RFC3: variants seen among roughly 807,000 people sequenced by gnomAD.
The protein encoded by RFC3 is replication factor C subunit 3, also known as A1 38 kDa subunit.
A neutral mutation model predicts 45.1 loss-of-function variants in RFC3; 41 were observed. That is an observed-to-expected ratio of 0.91 (90% CI 0.71 to 1.18). The LOEUF (loss-of-function observed/expected upper bound fraction) is 1.18, where lower values mean the gene tolerates loss of function less well. RFC3 is among the 50% of genes most tolerant of loss of function. RFC3 has a pLI of 0.00. For missense variants in RFC3, 423 were observed against 428.1 expected (o/e 0.99, Z 0.10); for synonymous variants, 149 against 144.0 (o/e 1.03, Z -0.25).
chr13:33,824,095 A>G (rs1332822628), intron 3 of RFC3, 111 bp downstream of exon 3: 1 of 569,456 alleles, frequency 1.8e-6, no homozygotes, highest in African/African-American at 2.0e-5. Flanking sequence ...GTGTGGAAGC[A>G]CAGTTTATAA....
At chr13:33,848,148 A>G (rs1434901845) in intron 8 of RFC3, 2 of 152,188 alleles carry the variant, frequency 1.3e-5, no homozygotes, top group African/African-American at 4.8e-5. Context: ...GATACTTCAG[A>G]GACATCTCAA....
At chr13:33,864,990 A>C (rs2082364079) in intron 8 of RFC3, among the ~76,000 whole-genome samples, 1 of 152,192 alleles carries the variant, frequency 6.6e-6, no homozygotes, top group African/African-American at 2.4e-5. Flanking sequence ...ATTGTAGCTC[A>C]AACTGTAGAA....
intron 8 of RFC3, among the ~76,000 whole-genome samples, chr13:33,881,855 T>G (rs1593662494): frequency 2.0e-5 from 3 of 152,170 alleles, no homozygotes; most frequent in Admixed American, 2.0e-4. Flanking sequence ...AACTGTCACT[T>G]GAATGTTTAT....
chr13:33,837,096 A>T lies in RFC3; in HGVS notation c.*801A>T, dbSNP rs1040302748. 3.1e-6 allele frequency: 3 copies of T among 953,252 alleles called. No homozygotes were observed. The African/African-American group carries it at 5.3e-5, about 17-fold the overall frequency. The allele number at this position is 953,252 out of a possible 1,614,324, so 59.0% of individuals were successfully genotyped here. ...CCGAACAATTCCTTTACTACGAAGT[A>T]TAATTTATAAAATAAAATATACCCA... On this transcript the variant is annotated 3_prime_UTR_variant, in exon 9 of 9. Coordinates refer to ENST00000380071, the MANE Select transcript of RFC3 (RefSeq NM_002915.4).
At chr13:33,868,570 A>T (rs1048999972) in intron 8 of RFC3, among the ~76,000 whole-genome samples, 7 of 152,178 alleles carry the variant, frequency 4.6e-5, no homozygotes, top group African/African-American at 7.2e-5. Context: ...CACCTATCAC[A>T]ACTAATCAGA....
intron 7 of RFC3, among the ~76,000 whole-genome samples, 187 bp from the exon 8 acceptor site, chr13:33,834,961 G>A (rs1198854593): frequency 2.0e-5 from 3 of 152,086 alleles, no homozygotes. Context: ...CCTAAGTATG[G>A]TAAACTATTT....
At chr13:33,910,439 T>A (rs2137697823) in intron 8 of RFC3, among the ~76,000 whole-genome samples, 1 of 152,216 alleles carries the variant, frequency 6.6e-6, no homozygotes, top group Middle Eastern at 3.4e-3. Flanking sequence ...TGTTCATCAT[T>A]GTTATTACTG....
At chr13:33,829,692 A>G (rs2082083169) in intron 4 of RFC3, 144 bp from the exon 5 acceptor site, 2 of 679,662 alleles carry the variant, frequency 2.9e-6, no homozygotes, top group South Asian at 3.3e-5. Flanking sequence ...TACCATACTT[A>G]TAACTTTATC....
At chr13:33,861,248 T>G (rs965040416) in intron 8 of RFC3, among the ~76,000 whole-genome samples, 3 of 152,236 alleles carry the variant, frequency 2.0e-5, no homozygotes, top group African/African-American at 7.2e-5. Flanking sequence ...ATAAACTTTA[T>G]TTTAATGCGG....
chr13:33,904,724 C>T (rs562583911), intron 8 of RFC3, among the ~76,000 whole-genome samples: 3 of 152,004 alleles, frequency 2.0e-5, no homozygotes, highest in African/African-American at 4.8e-5. Context: ...GCCCTTCTCT[C>T]GCCGCAATTT....
At chr13:33,895,333 A>G (rs1253795507) in intron 8 of RFC3, among the ~76,000 whole-genome samples, 1 of 152,232 alleles carries the variant, frequency 6.6e-6, no homozygotes, top group Non-Finnish European at 1.5e-5. Flanking sequence ...GTCAGAGTAC[A>G]TGATAGACAT....
chr13:33,929,777 A>G (rs960879408), intron 8 of RFC3, among the ~76,000 whole-genome samples: 2 of 152,132 alleles, frequency 1.3e-5, no homozygotes, highest in East Asian at 1.9e-4. Context: ...ACTTTCCCCT[A>G]TATTATTATA....
intron 8 of RFC3, among the ~76,000 whole-genome samples, chr13:33,893,600 G>A (rs1483781112): frequency 6.6e-6 from 1 of 152,014 alleles, no homozygotes; most frequent in Non-Finnish European, 1.5e-5. Flanking sequence ...AATAGCAGTT[G>A]TAAGGAAACT....
At position 33,876,993 on chromosome 13, in the gene RFC3, C is replaced by T. The variant is rs541502393; in HGVS notation, c.879+41776C>T. On this transcript the variant is annotated intron_variant, in intron 8 of 8. Coordinates refer to the RFC3 transcript ENST00000434425. Reference sequence around the variant, plus strand: ...ACACTGATTTCTTTTTTCACTATAACACTTTTATTGCAATTTTGCTTTCCT... The same window carrying T: ...ACACTGATTTCTTTTTTCACTATAATACTTTTATTGCAATTTTGCTTTCCT... 9.2e-5 allele frequency among the ~76,000 whole-genome samples: 14 copies of T among 152,304 alleles called. No individual in the cohort carries two copies. The South Asian group carries it at 2.9e-3, about 32-fold the overall frequency.
intron 8 of RFC3, among the ~76,000 whole-genome samples, chr13:33,919,196 G>A (rs192955006): frequency 2.6e-5 from 4 of 152,100 alleles, no homozygotes; most frequent in Non-Finnish European, 4.4e-5. Flanking sequence ...ATTCATGGGC[G>A]CAGTCAAAGC....
intron 8 of RFC3, among the ~76,000 whole-genome samples, chr13:33,949,433 G>A (rs748449726): frequency 6.6e-6 from 1 of 152,176 alleles, no homozygotes; most frequent in Non-Finnish European, 1.5e-5. Flanking sequence ...TCAGCAATTA[G>A]AAAGCTAAAA....
intron 8 of RFC3, among the ~76,000 whole-genome samples, chr13:33,951,039 CTTTT>C (rs926664684): frequency 1.3e-4 from 8 of 60,802 alleles, no homozygotes; most frequent in Admixed American, 6.9e-4. Flanking sequence ...TCTGATGGCT[CTTTT>C]TTTTTTTTTT....
intron 8 of RFC3, among the ~76,000 whole-genome samples, chr13:33,911,395 T>C (rs1252087500): frequency 6.6e-6 from 1 of 152,150 alleles, no homozygotes; most frequent in Non-Finnish European, 1.5e-5. Context: ...CTTTCTTAAC[T>C]AGCTGTGTAT....
intron 8 of RFC3, among the ~76,000 whole-genome samples, chr13:33,887,973 G>C (rs547131096): frequency 1.3e-5 from 2 of 152,156 alleles, no homozygotes; most frequent in Non-Finnish European, 2.9e-5. Flanking sequence ...GCTCTGTTCT[G>C]TTCCATTGAT....
Sources: allele counts gnomAD v4.1 joint callset (sites outside exome capture counted in the v4.1 genomes callset), GRCh38; gene constraint gnomAD v4.1.1; transcripts MANE v1.5; gene names NCBI Gene and HGNC (gene_info 2026-07-23, HGNC 2026-07-21).